Variants in C3 observed in about 807,000 individuals in gnomAD.
The protein encoded by C3 is C3 and PZP-like alpha-2-macroglobulin domain-containing protein 1.
A neutral mutation model predicts 207.9 loss-of-function variants in C3; 97 were observed. The observed-to-expected ratio is 0.47, with a 90% confidence interval of 0.40 to 0.55. The LOEUF is 0.55. C3 is among the 20% of genes least tolerant of loss of function. The pLI is 0.00. For missense variants in C3, 1,684 were observed against 2,171.7 expected (o/e 0.78, Z 4.46); for synonymous variants, 848 against 857.6 (o/e 0.99, Z 0.20).
At position 6,678,894 on chromosome 19, in the gene C3, C is replaced by T. The variant is rs114457572; in HGVS notation, c.4630+231G>A. Among the ~76,000 whole-genome samples the T allele has an allele frequency of 9.6e-3, 1,458 of 152,254 alleles. 13 individuals carry two copies. The highest frequency in any genetic ancestry group is 0.033 in the African/African-American group (1,373 of 41,534). On this transcript the variant is annotated intron_variant, in intron 38 of 40. Transcript: ENST00000245907. ...ACAACTACAACCTCACAGCCACCCA[C>T]GCAATGATGCATACAACCACATCTA... is the stretch of plus-strand genomic sequence containing the variant.
chr19:6,707,768 G>A (rs766172316), intron 15 of C3, 32 bp downstream of exon 15: 1 of 1,611,462 alleles, frequency 6.2e-7, no homozygotes, highest in Non-Finnish European at 8.5e-7. Flanking sequence ...GGTGCTGTCT[G>A]TCCCTGCACC....
chr19:6,687,424 ACC>A (rs754145120), intron 27 of C3, among the ~76,000 whole-genome samples: 4 of 152,174 alleles, frequency 2.6e-5, no homozygotes, highest in African/African-American at 4.8e-5. Context: ...TCATTCAGAT[ACC>A]CACACATTTA....
chr19:6,710,567 A>G (rs892633432), intron 13 of C3, 72 bp downstream of exon 13: 10 of 1,121,782 alleles, frequency 8.9e-6, no homozygotes, highest in African/African-American at 2.1e-5. Flanking sequence ...GAGAGAGAGG[A>G]GACAGGGAGA....
chr19:6,684,758 G>C lies in C3; in HGVS notation c.4029+17C>G. ...AGAGGGGCATGGGCCAGGCAGGTGT[G>C]GGTTTCTGTTCCTTACCGACAAGGT... On this transcript the variant is annotated intron_variant, in intron 31 of 40. Transcript: ENST00000245907. 1 of 1,613,792 alleles carries C rather than the reference G, an allele frequency of 6.2e-7. No homozygotes were observed. Among genetic ancestry groups the C allele is most frequent in the Non-Finnish European group, 8.5e-7 (1 of 1,179,668 alleles).
rs572711161 is a variant in C3, at chr19:6,719,201, C to A, written c.267+10G>T. On this transcript the variant is annotated intron_variant, in intron 2 of 40. Transcript: ENST00000245907. This position sits in a 1 kb window ranked among gnomAD's most constrained non-coding sequence, Gnocchi z 5.4. ...GGTGTCAGCCGGGTCCTGCGCCAGT[C>A]TGCACTCACCGTGAAGGTGACGTTG... is the stretch of plus-strand genomic sequence containing the variant. 5 of 1,613,162 alleles carry A rather than the reference C, an allele frequency of 3.1e-6. No homozygotes were observed. The highest frequency in any genetic ancestry group is 1.3e-5 in the African/African-American group (1 of 74,812).
chr19:6,679,198 G>T lies in C3; in HGVS notation c.4557C>A (p.Phe1519Leu). 1 of 1,614,072 alleles carries T rather than the reference G, an allele frequency of 6.2e-7. No homozygotes were observed. Among genetic ancestry groups the T allele is most frequent in the South Asian group, 1.1e-5 (1 of 91,082 alleles). Residue 1519 changes from phenylalanine (F) to leucine (L), a missense_variant, in exon 38 of 41, where the codon TTC becomes TTA. Transcript: ENST00000245907. ...ELCRCAEENC[F>L]IQKSDDKVTL... ...TGACCTTGTCATCCGACTTTTGTATGAAGCAATTCTCTGCAGGGTGGGGTG... is the reference window on the plus strand; with the variant it reads ...TGACCTTGTCATCCGACTTTTGTATTAAGCAATTCTCTGCAGGGTGGGGTG...
At chr19:6,685,207 G>A (rs1309776648) in intron 29 of C3, 61 bp from the exon 30 acceptor site, 2 of 1,505,578 alleles carry the variant, frequency 1.3e-6, no homozygotes, top group Non-Finnish European at 1.8e-6. Context: ...CTAGAATCCA[G>A]TGGGGGATAA....
intron 4 of C3, among the ~76,000 whole-genome samples, chr19:6,714,668 C>G: frequency 6.6e-6 from 1 of 152,182 alleles, no homozygotes; most frequent in East Asian, 1.9e-4. Context: ...TCAAGACCAG[C>G]CTGGCCAACG....
chr19:6,712,690 A>G, intron 9 of C3, 67 bp from the exon 10 acceptor site: 1 of 1,311,850 alleles, frequency 7.6e-7, no homozygotes, highest in African/African-American at 1.4e-5. Flanking sequence ...CTCCCTCAGA[A>G]TGGACCCCAA....
In C3 at chr19:6,694,590, G is replaced by A. The variant is rs370052728; in HGVS notation, c.2995C>T (p.Arg999Trp). 1 of 1,613,800 alleles carries A rather than the reference G, an allele frequency of 6.2e-7. No individual in the cohort carries two copies. The highest frequency in any genetic ancestry group is 8.5e-7 in the Non-Finnish European group (1 of 1,179,948). The change falls in exon 24 of 41, where the codon CGG (arginine) becomes TGG (tryptophan). Residue 999 changes from arginine (R) to tryptophan (W), a missense_variant. Around this residue, in one of 3 missense-constraint regions of C3, gnomAD observed 1,280 missense variants for 1,739.1 expected, o/e 0.74. Coordinates refer to ENST00000245907, the MANE Select transcript of C3 (RefSeq NM_000064.4). ...QMTEDAVDAE[R>W]LKHLIVTPSG... ...GGGGTCACAATGAGGTGCTTCAGCC[G>A]TTCCGCGTCGACGGCATCCTCTGTC... is the stretch of plus-strand genomic sequence containing the variant.
At chr19:6,685,983 T>G in intron 29 of C3, 141 bp downstream of exon 29, 3 of 874,046 alleles carry the variant, frequency 3.4e-6, no homozygotes, top group South Asian at 2.7e-5. Context: ...TAATAAAAAC[T>G]GATTCTCAAC....
chr19:6,700,477 A>G (rs60122787), intron 19 of C3, among the ~76,000 whole-genome samples: 2 of 35,120 alleles, frequency 5.7e-5, no homozygotes, highest in Admixed American at 5.8e-4. Context: ...TATGTAATAT[A>G]TAATATATGT....
rs1429341941 is a variant in C3 at position 6,687,938 on chromosome 19, G to T, written c.3490-1036C>A. On this transcript the variant is annotated intron_variant, in intron 27 of 40. Coordinates refer to ENST00000245907, the MANE Select transcript of C3 (RefSeq NM_000064.4). ...GTGGCGCGATCTCGGCTCACTGCAA[G>T]CTCCGCCTCTCGGGTTCAAGTGATT... Among the ~76,000 whole-genome samples, 9 of 143,006 alleles carry T rather than the reference G, an allele frequency of 6.3e-5. No individual in the cohort carries two copies. The East Asian group carries it at 1.6e-3, about 26-fold the overall frequency. 93.8% of individuals were successfully genotyped at this position (143,006 alleles called of 152,430 possible).
Position 6,719,104 on chromosome 19 carries a change from G to A in C3, c.267+107C>T. On this transcript the variant is annotated intron_variant, in intron 2 of 40. Transcript: ENST00000245907. The surrounding 1 kb of genome is among the most constrained non-coding windows in gnomAD (Gnocchi z 5.4). ...TCCGAAGGGGTGGAGTCTCAGGGAA[G>A]GGCAGGGCTTAGAAAGGGAGAAGAC... The A allele has an allele frequency of 2.0e-6, 2 of 1,007,052 alleles. No homozygotes were observed. The highest frequency in any genetic ancestry group is 3.1e-6 in the Non-Finnish European group (2 of 635,542). 62.4% of individuals were successfully genotyped at this position (1,007,052 alleles called of 1,614,324 possible). A position where few individuals can be genotyped will look rare whatever the true frequency, so the allele number is the denominator to read the frequency against.
At chr19:6,702,850 A>G in intron 17 of C3, 1 of 386,804 alleles carries the variant, frequency 2.6e-6, no homozygotes, top group Admixed American at 3.6e-5. Flanking sequence ...CCTGGACAAC[A>G]TGGTGAAACC....
At chr19:6,687,410 T>A (rs954472938) in intron 27 of C3, among the ~76,000 whole-genome samples, 2 of 152,172 alleles carry the variant, frequency 1.3e-5, no homozygotes, top group African/African-American at 4.8e-5. Context: ...ACACTTACTT[T>A]GTGTCATTCA....
chr19:6,680,130 G>C, intron 36 of C3, 28 bp downstream of exon 36: 1 of 1,280,598 alleles, frequency 7.8e-7, no homozygotes, highest in Non-Finnish European at 1.1e-6. Flanking sequence ...GGAACCATCA[G>C]ACCCCAGGCC....
At chr19:6,709,277 G>A (rs1185371556) in intron 14 of C3, among the ~76,000 whole-genome samples, 10 of 152,028 alleles carry the variant, frequency 6.6e-5, no homozygotes, top group African/African-American at 7.2e-5. Context: ...TGAAACCCCC[G>A]TCTTCACTAA....
At position 6,684,446 on chromosome 19, in the gene C3, A is replaced by G; in HGVS notation, c.4121-7T>C. ...GCATCCTGAGGCCTCTTTTCTAGAA[A>G]CACAGAAGAGAGAAAGATGGGAGAG... On this transcript the variant is annotated splice_region_variant and splice_polypyrimidine_tract_variant and intron_variant, in intron 32 of 40. Transcript: ENST00000245907. 2 of 1,611,906 alleles carry G rather than the reference A, an allele frequency of 1.2e-6. No individual in the cohort carries two copies. The highest frequency in any genetic ancestry group is 8.5e-7 in the Non-Finnish European group (1 of 1,177,930).
Sources: allele counts gnomAD v4.1 joint callset (sites outside exome capture counted in the v4.1 genomes callset), GRCh38; gene constraint gnomAD v4.1.1; regional missense constraint gnomAD v4.1.1; non-coding constraint Gnocchi (gnomAD v3.1); transcripts MANE v1.5; gene names NCBI Gene and HGNC (gene_info 2026-07-23, HGNC 2026-07-21).